The following CACNA1B variants were observed in gnomAD, a reference collection of about 807,000 sequenced individuals.
CACNA1B encodes the protein calcium voltage-gated channel subunit alpha1 B, also known as voltage-dependent N-type calcium channel subunit alpha-1B.
CACNA1B carries 70 observed loss-of-function variants against 247.2 expected under a neutral mutation model. That is an observed-to-expected ratio of 0.28 (90% CI 0.23 to 0.35). The LOEUF (loss-of-function observed/expected upper bound fraction) is 0.35, where lower values mean the gene tolerates loss of function less well. CACNA1B is among the 10% of genes least tolerant of loss of function. The pLI, the probability that CACNA1B is intolerant of heterozygous loss-of-function variation, is 1.00. For synonymous variants in CACNA1B, 1,231 were observed against 1,294.4 expected, an observed-to-expected ratio of 0.95 and a Z score of 1.05; for missense variants, 2,367 against 3,197.4, an observed-to-expected ratio of 0.74 and a Z score of 6.26.
At chr9:138,118,126 G>A in intron 43 of CACNA1B, 45 bp downstream of exon 43, 2 of 1,149,760 alleles carry the variant, frequency 1.7e-6, no homozygotes, top group Non-Finnish European at 2.2e-6. Context: ...GGGGATGTGT[G>A]AACAGGGATG....
chr9:137,903,884 C>T (rs545407704), intron 3 of CACNA1B, among the ~76,000 whole-genome samples: 3 of 152,290 alleles, frequency 2.0e-5, no homozygotes, highest in African/African-American at 7.2e-5. Flanking sequence ...CTGGCTGTCC[C>T]TGTCTGGTGT....
In CACNA1B at chr9:138,121,453, G is replaced by A; in HGVS notation, c.6490-16G>A. ...TTTTTTTTACCTCTGATTTGTTCTG[G>A]TCCATTTTCATGTAGGGCAGTGGTT... On this transcript the variant is annotated splice_polypyrimidine_tract_variant and intron_variant, in intron 46 of 46. Transcript: ENST00000371372. This position sits in a 1 kb window ranked among gnomAD's most constrained non-coding sequence, Gnocchi z 6.8. 2 of 1,413,082 alleles carry A rather than the reference G, an allele frequency of 1.4e-6. No individual in the cohort carries two copies. Among genetic ancestry groups the A allele is most frequent in the South Asian group, 1.4e-5 (1 of 70,926 alleles). 87.5% of individuals were successfully genotyped at this position (1,413,082 alleles called of 1,614,324 possible). A position where few individuals can be genotyped will look rare whatever the true frequency, so the allele number is the denominator to read the frequency against.
intron 10 of CACNA1B, among the ~76,000 whole-genome samples, chr9:137,969,415 TG>T (rs1219541116): frequency 1.3e-5 from 2 of 152,074 alleles, no homozygotes; most frequent in Non-Finnish European, 2.9e-5. Context: ...AAGATGTGTG[TG>T]TGTGGGGGGC....
At chr9:137,960,607 T>C (rs530356036) in intron 10 of CACNA1B, among the ~76,000 whole-genome samples, 1 of 151,430 alleles carries the variant, frequency 6.6e-6, no homozygotes, top group South Asian at 2.1e-4. Context: ...AGGCAACGAG[T>C]GCCAAGACCC....
At chr9:137,946,269 CG>C in intron 6 of CACNA1B, among the ~76,000 whole-genome samples, 1 of 152,160 alleles carries the variant, frequency 6.6e-6, no homozygotes, top group South Asian at 2.1e-4. Flanking sequence ...CTTAGCCAGT[CG>C]AATAGATCAA....
At chr9:138,039,289 C>T (rs1396239622) in intron 20 of CACNA1B, among the ~76,000 whole-genome samples, 1 of 151,386 alleles carries the variant, frequency 6.6e-6, no homozygotes, top group Non-Finnish European at 1.5e-5. Flanking sequence ...ATTTTAATCT[C>T]ACTTTTGTAT....
chr9:138,004,509 C>T (rs1958621900), intron 15 of CACNA1B, among the ~76,000 whole-genome samples: 2 of 146,802 alleles, frequency 1.4e-5, no homozygotes, highest in Non-Finnish European at 3.0e-5. Context: ...AAGATCACAC[C>T]ACTGCACTCC....
intron 15 of CACNA1B, among the ~76,000 whole-genome samples, chr9:138,002,052 T>C (rs1218345913): frequency 1.3e-5 from 2 of 152,220 alleles, no homozygotes; most frequent in Non-Finnish European, 2.9e-5. Context: ...ATATTGATTA[T>C]ATGGAAGAGT....
rs750525222 is a variant in CACNA1B at position 138,112,429 on chromosome 9, G to T, written c.5460G>T (p.Glu1820Asp). Residue 1820 changes from glutamate (E) to aspartate (D), a missense_variant, in exon 40 of 47, where the codon GAG (glutamate) becomes GAT (aspartate). This residue lies in a region of CACNA1B where 773 missense variants were observed against 779.4 expected (regional missense o/e 0.99). Coordinates refer to ENST00000371372, the MANE Select transcript of CACNA1B (RefSeq NM_000718.4). ...AGTKQHQCDA[E>D]LRKEISVVWA... is the part of the protein sequence containing the mutation. ...CAAAGCAGCATCAGTGTGACGCGGA[G>T]TTGAGGAAGGAGATTTCCGTTGTGT... is the stretch of plus-strand genomic sequence containing the variant. The T allele has an allele frequency of 5.6e-6, 9 of 1,613,666 alleles. No homozygotes were observed. The African/African-American group carries it at 1.2e-4, about 22-fold the overall frequency.
rs1268884743 is a variant in CACNA1B, at chr9:138,121,082, C to G, written c.6489+201C>G. Among the ~76,000 whole-genome samples, 1 of 152,196 alleles carries G rather than the reference C, an allele frequency of 6.6e-6. No homozygotes were observed. Among genetic ancestry groups the G allele is most frequent in the Non-Finnish European group, 1.5e-5 (1 of 68,026 alleles). ...ACCCCAGCTGTGTTCTCATCAAGCT[C>G]CTGCCTGGGTCACCCTGGGACAGTG... On this transcript the variant is annotated intron_variant, in intron 46 of 46. Transcript: ENST00000371372. This position sits in a 1 kb window ranked among gnomAD's most constrained non-coding sequence, Gnocchi z 6.8.
In CACNA1B at chr9:138,072,931, G is replaced by A. The variant is rs906154185; in HGVS notation, c.4675-557G>A. On this transcript the variant is annotated intron_variant, in intron 32 of 46. Coordinates refer to ENST00000371372, the MANE Select transcript of CACNA1B (RefSeq NM_000718.4). This position sits in a 1 kb window ranked among gnomAD's most constrained non-coding sequence, Gnocchi z 4.5. ...TACCTTCCATAACTTGTCTGCACAC[G>A]CCTGGAGCAGCCTCAGAGGAAGTGT... Among the ~76,000 whole-genome samples the A allele has an allele frequency of 6.6e-6, 1 of 152,242 alleles. No individual in the cohort carries two copies. Among genetic ancestry groups the A allele is most frequent in the Non-Finnish European group, 1.5e-5 (1 of 68,042 alleles).
intron 16 of CACNA1B, 47 bp from the exon 17 acceptor site, chr9:138,009,963 G>A: frequency 6.8e-7 from 1 of 1,464,008 alleles, no homozygotes; most frequent in African/African-American, 1.4e-5. Flanking sequence ...CAGTGTGACT[G>A]GGGCCATGTG....
At chr9:137,945,192 C>T (rs1197113279) in intron 6 of CACNA1B, among the ~76,000 whole-genome samples, 3 of 152,158 alleles carry the variant, frequency 2.0e-5, no homozygotes. Flanking sequence ...GAAAATCAGA[C>T]GTTTTCTCCT....
intron 15 of CACNA1B, among the ~76,000 whole-genome samples, chr9:138,005,946 G>A (rs1010133524): frequency 3.3e-5 from 5 of 151,564 alleles, no homozygotes; most frequent in African/African-American, 1.2e-4. Flanking sequence ...GGGAGGCTGA[G>A]GCAGGAGAAT....
intron 36 of CACNA1B, among the ~76,000 whole-genome samples, chr9:138,078,890 A>G (rs1007729336): frequency 1.3e-5 from 2 of 152,224 alleles, no homozygotes; most frequent in African/African-American, 4.8e-5. Flanking sequence ...AGCAGGCTGC[A>G]TCCTGGGGTT....
At chr9:137,969,341 A>C (rs989816277) in intron 10 of CACNA1B, among the ~76,000 whole-genome samples, 1 of 152,204 alleles carries the variant, frequency 6.6e-6, no homozygotes, top group African/African-American at 2.4e-5. Context: ...GGCTGTTGGC[A>C]TGACTATGGT....
chr9:138,028,894 T>G (rs1475825942), intron 20 of CACNA1B, among the ~76,000 whole-genome samples: 1 of 152,122 alleles, frequency 6.6e-6, no homozygotes, highest in Non-Finnish European at 1.5e-5. Context: ...AAGGTGTGGG[T>G]TTTCTGGGAC....
Position 137,952,149 on chromosome 9 carries a change from C to T in CACNA1B, c.967-125C>T. ...TTGGACCTCCCTGTGACTGGCCTCC[C>T]CACTGCCTGGACCCTACCAGGTGTG... On this transcript the variant is annotated intron_variant, in intron 6 of 46. Coordinates refer to ENST00000371372, the MANE Select transcript of CACNA1B (RefSeq NM_000718.4). This position sits in a 1 kb window ranked among gnomAD's most constrained non-coding sequence, Gnocchi z 4.8. 1.4e-6 allele frequency: 1 copy of T among 712,496 alleles called. No homozygotes were observed. The highest frequency in any genetic ancestry group is 1.6e-5 in the South Asian group (1 of 61,098). The allele number at this position is 712,496 out of a possible 1,614,324, so 44.1% of individuals were successfully genotyped here. A position where few individuals can be genotyped will look rare whatever the true frequency, so the allele number is the denominator to read the frequency against.
Position 138,120,324 on chromosome 9 carries a change from C to G in CACNA1B, c.6190C>G (p.Gln2064Glu). 6.4e-7 allele frequency: 1 copy of G among 1,563,860 alleles called. No individual in the cohort carries two copies. Among genetic ancestry groups the G allele is most frequent in the Non-Finnish European group, 8.6e-7 (1 of 1,159,828 alleles). ...HRCHRRRDRK[Q>E]RSLEKGPSLS... is the part of the protein sequence containing the mutation. ...CTGCCACCGCCGCAGGGACAGGAAGCAGAGGTCCCTGGAGAAGGGGCCCAG... is the reference window on the plus strand; with the variant it reads ...CTGCCACCGCCGCAGGGACAGGAAGGAGAGGTCCCTGGAGAAGGGGCCCAG... The change falls in exon 45 of 47, where the codon CAG (glutamine) becomes GAG (glutamate). Residue 2064 changes from glutamine (Q) to glutamate (E), a missense_variant. Coordinates refer to ENST00000371372, the MANE Select transcript of CACNA1B (RefSeq NM_000718.4).
Sources: allele counts gnomAD v4.1 joint callset (sites outside exome capture counted in the v4.1 genomes callset), GRCh38; gene constraint gnomAD v4.1.1; regional missense constraint gnomAD v4.1.1; non-coding constraint Gnocchi (gnomAD v3.1); transcripts MANE v1.5; gene names NCBI Gene and HGNC (gene_info 2026-07-23, HGNC 2026-07-21).